The following SYBU variants were observed in gnomAD, a reference collection of about 807,000 sequenced individuals.
The protein encoded by SYBU is syntabulin, also known as GOLSYN A protein.
Under a neutral mutation model 35.9 loss-of-function variants are expected in SYBU, and 21 were observed. The ratio of observed to expected loss-of-function variants is 0.58; its 90% CI spans 0.41 to 0.84. The LOEUF (loss-of-function observed/expected upper bound fraction) is 0.84. Ranked by LOEUF, SYBU falls within the 40% of genes least tolerant of loss-of-function variation. SYBU has a pLI of 0.00. For synonymous variants in SYBU, 319 were observed against 324.3 expected, an observed-to-expected ratio of 0.98 and a Z score of 0.18; for missense variants, 768 against 848.2, an observed-to-expected ratio of 0.91 and a Z score of 1.17.
intron 2 of SYBU, among the ~76,000 whole-genome samples, chr8:109,626,275 A>G (rs1252384099): frequency 6.6e-6 from 1 of 152,174 alleles, no homozygotes; most frequent in Non-Finnish European, 1.5e-5. Flanking sequence ...ATTTCTTCCA[A>G]TACTTTTATG....
rs1491499297 is a variant in SYBU at position 109,607,809 on chromosome 8, C to CAG, written c.427+11032_427+11033insCT. 7 of 186,982 alleles carry CAG rather than the reference C, an allele frequency of 3.7e-5. No individual in the cohort carries two copies. In the East Asian group the frequency reaches 4.7e-4, roughly 13 times the overall value. The allele number at this position is 186,982 out of a possible 1,614,324, so 11.6% of individuals were successfully genotyped here. A position where few individuals can be genotyped will look rare whatever the true frequency, so the allele number is the denominator to read the frequency against. On this transcript the variant is annotated intron_variant, in intron 3 of 6. Transcript: ENST00000276646. Reference sequence around the variant, plus strand: ...CCATTTTGGCCTACCACAACTAACTCACACACACACACACACACACACACA... The same window carrying CAG: ...CCATTTTGGCCTACCACAACTAACTCAGACACACACACACACACACACACACA...
chr8:109,623,042 C>A (rs1563735079), intron 2 of SYBU, among the ~76,000 whole-genome samples: 1 of 152,066 alleles, frequency 6.6e-6, no homozygotes, highest in Non-Finnish European at 1.5e-5. Context: ...CACACACACA[C>A]ACACACAAAC....
At chr8:109,586,511 C>A in intron 3 of SYBU, 1 of 203,584 alleles carries the variant, frequency 4.9e-6, no homozygotes, top group Non-Finnish European at 1.0e-5. Flanking sequence ...CTATTTCAAG[C>A]AAAAGAAAAA....
intron 1 of SYBU, among the ~76,000 whole-genome samples, chr8:109,662,752 G>A (rs1816610430): frequency 1.3e-5 from 2 of 152,224 alleles, no homozygotes; most frequent in African/African-American, 4.8e-5. Context: ...AACTTTCTTG[G>A]TTATTCCAGC....
At chr8:109,624,864 T>C (rs1812812564) in intron 2 of SYBU, among the ~76,000 whole-genome samples, 1 of 152,220 alleles carries the variant, frequency 6.6e-6, no homozygotes, top group Non-Finnish European at 1.5e-5. Flanking sequence ...CAATCCTTTA[T>C]ATATTGTCTA....
intron 2 of SYBU, among the ~76,000 whole-genome samples, chr8:109,636,098 G>T (rs1814196808): frequency 6.6e-6 from 1 of 152,204 alleles, no homozygotes; most frequent in Non-Finnish European, 1.5e-5. Context: ...GCTCATGGAA[G>T]AAGTTCTGAG....
chr8:109,574,976 G>A lies in SYBU; in HGVS notation c.1922C>T (p.Ala641Val). 6.5e-7 allele frequency: 1 copy of A among 1,537,592 alleles called. No individual in the cohort carries two copies. Among genetic ancestry groups the A allele is most frequent in the Non-Finnish European group, 8.8e-7 (1 of 1,141,936 alleles). The change falls in exon 7 of 7, where the codon GCC becomes GTC. Residue 641 changes from alanine (A) to valine (V), a missense_variant. Transcript: ENST00000276646. ...GGTDPVYNIG[A>V]LLRGCCVVAL... ...AACCACGCAACAGCCCCTGAGCAAG[G>A]CCCCGATGTTATACACAGGATCCGT... is the stretch of plus-strand genomic sequence containing the variant.
At chr8:109,666,203 T>C (rs1300866562) in intron 1 of SYBU, among the ~76,000 whole-genome samples, 3 of 152,170 alleles carry the variant, frequency 2.0e-5, no homozygotes. Flanking sequence ...ATGGAAAATA[T>C]CGAACAACAC....
intron 3 of SYBU, among the ~76,000 whole-genome samples, chr8:109,613,950 G>A (rs1811466987): frequency 6.6e-6 from 1 of 152,160 alleles, no homozygotes; most frequent in African/African-American, 2.4e-5. Flanking sequence ...TCAGTAGCAG[G>A]GGTAGTGTCT....
chr8:109,579,114 G>A (rs1822708245), intron 5 of SYBU, among the ~76,000 whole-genome samples: 1 of 152,116 alleles, frequency 6.6e-6, no homozygotes, highest in Admixed American at 6.6e-5. Flanking sequence ...CTCCTTCCCT[G>A]ACTCTGGACC....
At chr8:109,613,476 A>G (rs1015403050) in intron 3 of SYBU, among the ~76,000 whole-genome samples, 2 of 152,226 alleles carry the variant, frequency 1.3e-5, no homozygotes, top group Admixed American at 1.3e-4. Context: ...AAATAGTGGT[A>G]TAAAGACTTG....
At chr8:109,586,470 G>T in intron 3 of SYBU, 1 of 299,880 alleles carries the variant, frequency 3.3e-6, no homozygotes, top group Non-Finnish European at 6.2e-6. Flanking sequence ...TCCCGTATGT[G>T]AGGCTCTCAC....
chr8:109,650,310 T>G (rs1816072820), intron 1 of SYBU, among the ~76,000 whole-genome samples: 1 of 152,206 alleles, frequency 6.6e-6, no homozygotes, highest in South Asian at 2.1e-4. Flanking sequence ...GATTTTATAT[T>G]TTTTGCTTCC....
chr8:109,597,538 T>C (rs1199849146), intron 3 of SYBU, among the ~76,000 whole-genome samples: 1 of 150,872 alleles, frequency 6.6e-6, no homozygotes, highest in Non-Finnish European at 1.5e-5. Context: ...GGTAAAATGG[T>C]AAAACCCCAT....
chr8:109,685,466 A>G (rs1379169988), upstream of SYBU, among the ~76,000 whole-genome samples: 4 of 152,230 alleles, frequency 2.6e-5, no homozygotes, highest in Admixed American at 1.3e-4. Flanking sequence ...TGCACTCACT[A>G]TGAGTTAGGA....
At chr8:109,621,660 T>C (rs563498128) in intron 2 of SYBU, among the ~76,000 whole-genome samples, 1 of 152,304 alleles carries the variant, frequency 6.6e-6, no homozygotes, top group South Asian at 2.1e-4. Context: ...GTGGAGTTTA[T>C]AAATAAGCCA....
chr8:109,644,202 T>C, intron 1 of SYBU: 1 of 467,114 alleles, frequency 2.1e-6, no homozygotes, highest in Non-Finnish European at 4.3e-6. Context: ...GGATTCGCCC[T>C]GCACATCTGC....
At chr8:109,596,989 TA>T (rs1337574303) in intron 3 of SYBU, among the ~76,000 whole-genome samples, 1 of 152,234 alleles carries the variant, frequency 6.6e-6, no homozygotes, top group Admixed American at 6.5e-5. Context: ...AGAGTAAAAG[TA>T]AAACTAGAAT....
At chr8:109,607,622 G>A (rs1826195690) in intron 3 of SYBU, among the ~76,000 whole-genome samples, 1 of 152,194 alleles carries the variant, frequency 6.6e-6, no homozygotes, top group Non-Finnish European at 1.5e-5. Flanking sequence ...CCAATGGTCA[G>A]TCTTTTTCAT....
Sources: gnomAD v4.1 joint callset for allele counts (sites outside exome capture counted in the v4.1 genomes callset) on GRCh38, gnomAD v4.1.1 for gene constraint, MANE v1.5 for transcripts, NCBI Gene and HGNC (gene_info 2026-07-23, HGNC 2026-07-21) for gene names.